ZRANB3: variants seen among roughly 807,000 people sequenced by gnomAD.
ZRANB3 encodes the protein DNA annealing helicase and endonuclease ZRANB3.
ZRANB3 carries 125 observed loss-of-function variants against 133.8 expected under a neutral mutation model. The observed-to-expected ratio is 0.93, with a 90% CI of 0.81 to 1.08. The LOEUF is 1.08. Ranked by LOEUF, ZRANB3 falls within the 50% of genes least tolerant of loss-of-function variation. The probability of loss-of-function intolerance (pLI) is 0.00; values close to 1 mark genes in which losing one functional copy is unlikely to be tolerated. For synonymous variants in ZRANB3, 387 were observed against 432.7 expected, an observed-to-expected ratio of 0.89 and a Z score of 1.31; for missense variants, 1,229 against 1,275.5, an observed-to-expected ratio of 0.96 and a Z score of 0.56.
chr2:135,439,927 T>A (rs1379114194), intron 2 of ZRANB3, among the ~76,000 whole-genome samples: 1 of 152,178 alleles, frequency 6.6e-6, no homozygotes, highest in Non-Finnish European at 1.5e-5. Flanking sequence ...TAAAAAACAT[T>A]TTTCAGGCTG....
At chr2:135,523,435 G>A (rs528117323) in intron 1 of ZRANB3, among the ~76,000 whole-genome samples, 1 of 152,020 alleles carries the variant, frequency 6.6e-6, no homozygotes, top group African/African-American at 2.4e-5. Context: ...CTTAAATTTT[G>A]TCTCTCACTT....
At chr2:135,453,016 C>T (rs886142000) in intron 2 of ZRANB3, among the ~76,000 whole-genome samples, 6 of 152,256 alleles carry the variant, frequency 3.9e-5, no homozygotes, top group Non-Finnish European at 5.9e-5. Flanking sequence ...TTGCAGCAAA[C>T]TTTTGCCTGG....
At chr2:135,530,757 T>C (rs1694530831) in intron 1 of ZRANB3, 1 of 152,262 alleles carries the variant, frequency 6.6e-6, no homozygotes, top group African/African-American at 2.4e-5. Context: ...CGACAACTCG[T>C]TCTCCGCCCT....
chr2:135,229,729 T>A (rs1694912274), intron 13 of ZRANB3, among the ~76,000 whole-genome samples: 1 of 152,162 alleles, frequency 6.6e-6, no homozygotes, highest in South Asian at 2.1e-4. Context: ...TTACAACTGA[T>A]AAAATACAAT....
At position 135,318,338 on chromosome 2, in the gene ZRANB3, CTTAA is replaced by C. The variant is rs142389539; in HGVS notation, c.678-2812_678-2809del. Reference sequence around the variant, plus strand: ...ACTTTAGGTTTTGGCCTTTATTTTTCTTAATTCTCAATTCCTACATATATAAAAT... The same window carrying C: ...ACTTTAGGTTTTGGCCTTTATTTTTCTTCTCAATTCCTACATATATAAAAT... On this transcript the variant is annotated intron_variant, in intron 6 of 20. Coordinates refer to ENST00000264159, the MANE Select transcript of ZRANB3 (RefSeq NM_032143.4). Among the ~76,000 whole-genome samples the C allele has an allele frequency of 7.0e-3, 1,038 of 148,938 alleles. 11 individuals carry two copies. The highest frequency in any genetic ancestry group is 0.024 in the African/African-American group (972 of 40,448).
At chr2:135,399,181 TC>T (rs1363582432) in intron 2 of ZRANB3, among the ~76,000 whole-genome samples, 5 of 152,178 alleles carry the variant, frequency 3.3e-5, no homozygotes, top group Admixed American at 2.0e-4. Flanking sequence ...ATGTTTCTCT[TC>T]CCCCTGTCAC....
At chr2:135,335,156 T>C (rs1427724864) in intron 6 of ZRANB3, among the ~76,000 whole-genome samples, 5 of 152,142 alleles carry the variant, frequency 3.3e-5, no homozygotes, top group African/African-American at 1.2e-4. Context: ...ACTTTTAATT[T>C]GTATTATCAT....
At position 135,199,073 on chromosome 2, in the gene ZRANB3, G is replaced by A. The variant is rs1033389854; in HGVS notation, c.*1269C>T. ...TATTGCAGGACTAGGCCCTGGGTTT[G>A]TTTCATCGTCACTCTTATTTTATGT... On this transcript the variant is annotated 3_prime_UTR_variant, in exon 21 of 21. Transcript: ENST00000264159. 4 of 152,088 alleles carry A rather than the reference G, an allele frequency of 2.6e-5. No homozygotes were observed. The highest frequency in any genetic ancestry group is 9.7e-5 in the African/African-American group (4 of 41,414). 9.4% of individuals were successfully genotyped at this position (152,088 alleles called of 1,614,324 possible).
At chr2:135,378,138 T>C (rs1686509796) in intron 3 of ZRANB3, among the ~76,000 whole-genome samples, 1 of 152,196 alleles carries the variant, frequency 6.6e-6, no homozygotes, top group Non-Finnish European at 1.5e-5. Context: ...CTCCCCTTTA[T>C]ATATGTATCT....
chr2:135,322,066 T>C (rs928663002), intron 6 of ZRANB3, among the ~76,000 whole-genome samples: 2 of 152,170 alleles, frequency 1.3e-5, no homozygotes, highest in Non-Finnish European at 2.9e-5. Context: ...GTGTAAGATA[T>C]GGTTTGGGTT....
intron 6 of ZRANB3, among the ~76,000 whole-genome samples, chr2:135,341,999 C>T (rs1385260700): frequency 1.3e-5 from 2 of 149,864 alleles, no homozygotes; most frequent in Non-Finnish European, 2.9e-5. Flanking sequence ...TACCCATTTG[C>T]CTTGTGATAT....
rs77222127 is a variant in ZRANB3, at chr2:135,312,014, G to C, written c.966+1475C>G. Among the ~76,000 whole-genome samples the C allele has an allele frequency of 7.9e-3, 1,198 of 151,918 alleles. 13 individuals are homozygous for C. The highest frequency in any genetic ancestry group is 0.027 in the African/African-American group (1,120 of 41,410). On this transcript the variant is annotated intron_variant, in intron 8 of 20. Transcript: ENST00000264159. ...GGGGAAATGCTACAAAGGCACATGG[G>C]GGAACTTTTTGGCATGACAGGAATA...
intron 2 of ZRANB3, among the ~76,000 whole-genome samples, chr2:135,397,703 C>A (rs1227232515): frequency 6.6e-6 from 1 of 152,156 alleles, no homozygotes; most frequent in Non-Finnish European, 1.5e-5. Context: ...CCATTGGTAA[C>A]TGTGAATACA....
chr2:135,285,158 T>C (rs1681294421), intron 8 of ZRANB3, among the ~76,000 whole-genome samples: 1 of 152,210 alleles, frequency 6.6e-6, no homozygotes, highest in Non-Finnish European at 1.5e-5. Context: ...AGGTTATTTC[T>C]TCTTTTTCTA....
intron 6 of ZRANB3, among the ~76,000 whole-genome samples, chr2:135,342,395 T>A (rs1179901157): frequency 6.7e-6 from 1 of 150,016 alleles, no homozygotes; most frequent in Admixed American, 6.6e-5. Flanking sequence ...ATTCTTCTTT[T>A]GAACATGTTT....
intron 6 of ZRANB3, among the ~76,000 whole-genome samples, chr2:135,318,792 TA>T (rs547408618): frequency 1.6e-4 from 24 of 149,666 alleles, no homozygotes; most frequent in East Asian, 5.9e-4. Flanking sequence ...AAAAGAATCT[TA>T]AAAAAAAAAT....
chr2:135,279,521 A>ATT (rs1185978658), intron 8 of ZRANB3, among the ~76,000 whole-genome samples: 1 of 152,216 alleles, frequency 6.6e-6, no homozygotes, highest in Non-Finnish European at 1.5e-5. Flanking sequence ...GCCTTTCAAA[A>ATT]TGTACATGTC....
intron 14 of ZRANB3, among the ~76,000 whole-genome samples, chr2:135,226,385 G>A (rs1286762876): frequency 6.6e-6 from 1 of 152,154 alleles, no homozygotes; most frequent in Non-Finnish European, 1.5e-5. Context: ...ATTTAACATA[G>A]TGTGCCTACT....
At chr2:135,514,257 T>A (rs1464989200) in intron 1 of ZRANB3, among the ~76,000 whole-genome samples, 1 of 152,250 alleles carries the variant, frequency 6.6e-6, no homozygotes, top group Non-Finnish European at 1.5e-5. Flanking sequence ...ACAGTATTGA[T>A]TCTTCCTATC....
Sources: allele counts gnomAD v4.1 joint callset (sites outside exome capture counted in the v4.1 genomes callset), GRCh38; gene constraint gnomAD v4.1.1; transcripts MANE v1.5; gene names NCBI Gene and HGNC (gene_info 2026-07-23, HGNC 2026-07-21).